ARNT2: variants seen among roughly 807,000 people sequenced by gnomAD.
ARNT2 encodes the protein aryl hydrocarbon receptor nuclear translocator 2.
A neutral mutation model predicts 91.7 loss-of-function variants in ARNT2; 36 were observed. The observed-to-expected ratio is 0.39, with a 90% CI of 0.30 to 0.52. The LOEUF is 0.52. ARNT2 is among the 20% of genes least tolerant of loss of function. The probability of loss-of-function intolerance (pLI) is 0.72; values close to 1 mark genes in which losing one functional copy is unlikely to be tolerated. For synonymous variants in ARNT2, 365 were observed against 347.1 expected (o/e 1.05, Z -0.57); for missense variants, 775 against 939.3 (o/e 0.83, Z 2.29).
At chr15:80,560,187 A>G (rs1412426287) in intron 11 of ARNT2, 1 of 152,208 alleles carries the variant, frequency 6.6e-6, no homozygotes, top group Non-Finnish European at 1.5e-5. Flanking sequence ...CAGCAAGCAT[A>G]CTGTCTCTGG....
intron 3 of ARNT2, among the ~76,000 whole-genome samples, chr15:80,464,752 T>C (rs1896625533): frequency 6.6e-6 from 1 of 152,176 alleles, no homozygotes; most frequent in South Asian, 2.1e-4. Flanking sequence ...CCTTCATGGC[T>C]CTTACAATGC....
chr15:80,501,841 T>A (rs1897199477), intron 5 of ARNT2, among the ~76,000 whole-genome samples: 1 of 152,262 alleles, frequency 6.6e-6, no homozygotes, highest in African/African-American at 2.4e-5. Flanking sequence ...TGAAGTGACC[T>A]GAACAAACTC....
intron 1 of ARNT2, among the ~76,000 whole-genome samples, chr15:80,448,720 A>G (rs1349434926): frequency 6.6e-6 from 1 of 152,222 alleles, no homozygotes; most frequent in African/African-American, 2.4e-5. Context: ...GCGGTGGCTA[A>G]CGCCTGTAAT....
Position 80,596,921 on chromosome 15 carries a change from C to G in ARNT2, c.*3223C>G. 2.8e-6 allele frequency: 1 copy of G among 355,658 alleles called. No homozygotes were observed. The highest frequency in any genetic ancestry group is 2.1e-5 in the South Asian group (1 of 47,136). 22.0% of individuals were successfully genotyped at this position (355,658 alleles called of 1,614,324 possible). On this transcript the variant is annotated 3_prime_UTR_variant, in exon 19 of 19. Coordinates refer to ENST00000303329, the MANE Select transcript of ARNT2 (RefSeq NM_014862.4). ...AGAACACTCTGTCCATGCGTCACTC[C>G]CCCCAGTTTTATTTTTAGCTTTGGC...
intron 5 of ARNT2, among the ~76,000 whole-genome samples, chr15:80,495,181 C>T (rs1436402961): frequency 5.9e-5 from 9 of 152,176 alleles, no homozygotes; most frequent in Admixed American, 2.0e-4. Context: ...TGCTCAGGAA[C>T]GCAAGAGGGC....
intron 5 of ARNT2, among the ~76,000 whole-genome samples, chr15:80,486,710 A>C (rs1896980076): frequency 6.6e-6 from 1 of 152,194 alleles, no homozygotes; most frequent in African/African-American, 2.4e-5. Flanking sequence ...GCAATGCAGA[A>C]TGTGCTCATT....
At chr15:80,581,003 G>C (rs571582648) in intron 16 of ARNT2, 4 of 568,226 alleles carry the variant, frequency 7.0e-6, no homozygotes, top group Non-Finnish European at 1.2e-5. Context: ...CAGAGGGCCC[G>C]GATCCTCGTA....
At chr15:80,481,262 C>T (rs562687072) in intron 5 of ARNT2, among the ~76,000 whole-genome samples, 3 of 152,346 alleles carry the variant, frequency 2.0e-5, no homozygotes, top group African/African-American at 7.2e-5. Context: ...CACCGGGGAG[C>T]CATTTTCAGC....
intron 12 of ARNT2, among the ~76,000 whole-genome samples, chr15:80,570,964 G>GAC (rs899363961): frequency 1.3e-5 from 2 of 152,128 alleles, no homozygotes; most frequent in Non-Finnish European, 2.9e-5. Flanking sequence ...TTATGGTGGG[G>GAC]ACACACACAC....
intron 5 of ARNT2, among the ~76,000 whole-genome samples, chr15:80,499,013 C>G (rs760120647): frequency 2.0e-4 from 31 of 152,222 alleles, no homozygotes; most frequent in Non-Finnish European, 3.8e-4. Flanking sequence ...TAACTGGTTA[C>G]TTAGTGTCTC....
intron 17 of ARNT2, among the ~76,000 whole-genome samples, chr15:80,585,100 A>G (rs1898871077): frequency 1.3e-5 from 2 of 152,240 alleles, no homozygotes; most frequent in Non-Finnish European, 2.9e-5. Context: ...ACGAGCTTTC[A>G]GGAGTCAAGC....
At chr15:80,580,258 G>A in intron 15 of ARNT2, 153 bp from the exon 16 acceptor site, 1 of 1,000,436 alleles carries the variant, frequency 1.0e-6, no homozygotes. Context: ...GGGGCTTTGA[G>A]GCTCACGATG....
chr15:80,531,481 T>C (rs1897739100), intron 8 of ARNT2, among the ~76,000 whole-genome samples: 1 of 152,250 alleles, frequency 6.6e-6, no homozygotes, highest in African/African-American at 2.4e-5. Flanking sequence ...GCTGGAATTA[T>C]CCTGTTCATA....
At chr15:80,513,650 C>T (rs1401862296) in intron 6 of ARNT2, among the ~76,000 whole-genome samples, 2 of 147,648 alleles carry the variant, frequency 1.4e-5, no homozygotes, top group Non-Finnish European at 3.0e-5. Flanking sequence ...AGGTCTCCAG[C>T]TCCTGGACTG....
chr15:80,575,109 A>T lies in ARNT2; in HGVS notation c.1512A>T (p.Ala504=), dbSNP rs749894403. The change falls in exon 14 of 19, where the codon GCA becomes GCT. Residue 504 remains alanine, a splice_region_variant and synonymous_variant. Transcript: ENST00000303329. ...CTGAAATGTTTGCAGGAATTAGTGCATGTAAGTTTCCAAATGGTACTGAGG... is the reference window on the plus strand; with the variant it reads ...CTGAAATGTTTGCAGGAATTAGTGCTTGTAAGTTTCCAAATGGTACTGAGG... ...RFAEMFAGIS[A]SEKKMMSSAS... is the part of the protein sequence containing the mutation. The T allele has an allele frequency of 6.2e-7, 1 of 1,614,100 alleles. No homozygotes were observed. Among genetic ancestry groups the T allele is most frequent in the South Asian group, 1.1e-5 (1 of 91,082 alleles).
chr15:80,524,840 A>T (rs1039413627), intron 8 of ARNT2, among the ~76,000 whole-genome samples: 17 of 151,102 alleles, frequency 1.1e-4, no homozygotes, highest in Non-Finnish European at 4.4e-5. Context: ...GCGCCATTGC[A>T]CTCCAGCCTG....
chr15:80,404,482 C>A lies in ARNT2; in HGVS notation c.-34C>A. On this transcript the variant is annotated 5_prime_UTR_variant, in exon 1 of 19. Transcript: ENST00000303329. The surrounding 1 kb of genome is among the most constrained non-coding windows in gnomAD (Gnocchi z 5.5). Reference sequence around the variant, plus strand: ...GGCTCCGCGCCGCCCCTCCCGCGCCCCTGCCAAGCGGGCGCCTATCCTCTC... The same window carrying A: ...GGCTCCGCGCCGCCCCTCCCGCGCCACTGCCAAGCGGGCGCCTATCCTCTC... 8.2e-7 allele frequency: 1 copy of A among 1,224,194 alleles called. No homozygotes were observed. Among genetic ancestry groups the A allele is most frequent in the South Asian group, 1.6e-5 (1 of 61,994 alleles). The allele number at this position is 1,224,194 out of a possible 1,614,324, so 75.8% of individuals were successfully genotyped here. A position where few individuals can be genotyped will look rare whatever the true frequency, so the allele number is the denominator to read the frequency against.
chr15:80,538,721 G>A (rs1897860487), intron 8 of ARNT2, among the ~76,000 whole-genome samples: 1 of 151,588 alleles, frequency 6.6e-6, no homozygotes, highest in South Asian at 2.1e-4. Context: ...CAAACTGAGA[G>A]GAAGCAATTA....
In ARNT2 at chr15:80,574,195, G is replaced by A; in HGVS notation, c.1364G>A (p.Gly455Glu). 1 of 1,614,196 alleles carries A rather than the reference G, an allele frequency of 6.2e-7. No homozygotes were observed. Among genetic ancestry groups the A allele is most frequent in the Non-Finnish European group, 8.5e-7 (1 of 1,180,034 alleles). The change falls in exon 13 of 19, where the codon GGA becomes GAA. Residue 455 changes from glycine (G) to glutamate (E), a missense_variant. Transcript: ENST00000303329. ...GAATTGGAAGTGCACCAGAGAGATG[G>A]ATTGTCATCGTATGACTTATCCCAG... ...QAELEVHQRD[G>E]LSSYDLSQVP...
Sources: gnomAD v4.1 joint callset for allele counts (sites outside exome capture counted in the v4.1 genomes callset) on GRCh38, gnomAD v4.1.1 for gene constraint, Gnocchi (gnomAD v3.1) non-coding constraint, MANE v1.5 for transcripts, NCBI Gene and HGNC (gene_info 2026-07-23, HGNC 2026-07-21) for gene names.